Variants in SLC4A7 observed in about 807,000 individuals in gnomAD.
SLC4A7 encodes the protein sodium bicarbonate cotransporter 3.
A neutral mutation model predicts 137.6 loss-of-function variants in SLC4A7; 51 were observed. That is an observed-to-expected ratio of 0.37 (90% confidence interval 0.30 to 0.47). The LOEUF is 0.47. SLC4A7 is among the 20% of genes least tolerant of loss of function. The pLI is 1.00. For synonymous variants in SLC4A7, 542 were observed against 518.6 expected (o/e 1.05, Z -0.61); for missense variants, 1,247 against 1,525.4 (o/e 0.82, Z 3.04).
In SLC4A7 at chr3:27,394,688, C is replaced by G; in HGVS notation, c.2947G>C (p.Val983Leu). ...CTTATTGACAACACTGTTGCAGCCA[C>G]AAACCATGGAAGTCCCATGACAGAG... The part of the protein sequence containing the change: ...VCSVMGLPWF[V>L]AATVLSISHV... Residue 983 changes from valine (V) to leucine (L), a missense_variant, in exon 20 of 26, where the codon GTG (valine) becomes CTG (leucine). By Grantham distance (32) the Val-to-Leu change is conservative. Around this residue, in one of 6 missense-constraint regions of SLC4A7, gnomAD observed 48 missense variants for 97.2 expected, o/e 0.49. Transcript: ENST00000454389. 6.2e-7 allele frequency: 1 copy of G among 1,614,156 alleles called. No homozygotes were observed. The highest frequency in any genetic ancestry group is 8.5e-7 in the Non-Finnish European group (1 of 1,180,016).
intron 21 of SLC4A7, 148 bp from the exon 22 acceptor site, chr3:27,390,252 A>T: frequency 1.5e-5 from 3 of 197,232 alleles, no homozygotes; most frequent in South Asian, 7.0e-5. Flanking sequence ...TACAGCAAGC[A>T]TTCTCTGGAT....
At chr3:27,482,498 C>T (rs2059755302) in intron 1 of SLC4A7, among the ~76,000 whole-genome samples, 1 of 152,096 alleles carries the variant, frequency 6.6e-6, no homozygotes, top group Non-Finnish European at 1.5e-5. Flanking sequence ...AGGCCAGGCG[C>T]GGTGGCTCAC....
intron 1 of SLC4A7, among the ~76,000 whole-genome samples, chr3:27,479,552 G>A (rs954728140): frequency 1.3e-5 from 2 of 152,168 alleles, no homozygotes; most frequent in South Asian, 2.1e-4. Flanking sequence ...CTGCCTTAAG[G>A]AAGATTGTCA....
intron 18 of SLC4A7, among the ~76,000 whole-genome samples, chr3:27,397,369 C>T (rs1476971960): frequency 2.6e-5 from 4 of 151,666 alleles, no homozygotes; most frequent in Non-Finnish European, 5.9e-5. Context: ...CTGGAAGGTA[C>T]AGCAAGAACT....
intron 3 of SLC4A7, among the ~76,000 whole-genome samples, chr3:27,447,422 A>G (rs1001471575): frequency 6.6e-6 from 1 of 152,166 alleles, no homozygotes; most frequent in African/African-American, 2.4e-5. Context: ...TGCAGTAACT[A>G]TATTATACAT....
rs1374081841 is a variant in SLC4A7, at chr3:27,445,987, T to C, written c.289+2664A>G. 1.7e-5 allele frequency among the ~76,000 whole-genome samples: 2 copies of C among 118,628 alleles called. 1 individual carries two copies. Among genetic ancestry groups the C allele is most frequent in the Non-Finnish European group, 3.4e-5 (2 of 59,240 alleles). 77.8% of individuals were successfully genotyped at this position (118,628 alleles called of 152,430 possible). A position where few individuals can be genotyped will look rare whatever the true frequency, so the allele number is the denominator to read the frequency against. On this transcript the variant is annotated intron_variant, in intron 3 of 25. Coordinates refer to ENST00000454389, the MANE Select transcript of SLC4A7 (RefSeq NM_001321103.2). ...AAATATATATATATATATATATATA[T>C]ATATAGTGCCCTTGAAATTTGCTAA...
At chr3:27,421,800 A>C (rs1385483739) in intron 8 of SLC4A7, 21 bp from the exon 9 acceptor site, 3 of 1,585,502 alleles carry the variant, frequency 1.9e-6, no homozygotes, top group Non-Finnish European at 2.6e-6. Context: ...ATAAATAATT[A>C]AAAATAAAGT....
At chr3:27,406,135 C>A (rs13089870) in intron 13 of SLC4A7, among the ~76,000 whole-genome samples, 2 of 152,148 alleles carry the variant, frequency 1.3e-5, no homozygotes, top group South Asian at 4.1e-4. Context: ...GGAGGGCTTC[C>A]GAAACTAGAT....
At chr3:27,442,615 T>C (rs2057288823) in intron 3 of SLC4A7, among the ~76,000 whole-genome samples, 1 of 152,176 alleles carries the variant, frequency 6.6e-6, no homozygotes, top group African/African-American at 2.4e-5. Flanking sequence ...TTCACTATGT[T>C]GCCCAGGCTG....
intron 23 of SLC4A7, among the ~76,000 whole-genome samples, chr3:27,385,414 ATAAT>A (rs1476094485): frequency 1.3e-5 from 2 of 152,218 alleles, no homozygotes; most frequent in African/African-American, 4.8e-5. Flanking sequence ...TTTAAAAAAG[ATAAT>A]TACTTAAAAA....
rs1427464227 is a variant in SLC4A7 at position 27,373,488 on chromosome 3, ATTAAG to A, written c.*3271_*3275del. ...TGATCTACATAAATAAATTTAAAACATTAAGTTATTTCATATAAACATTTTTAATT... is the reference window on the plus strand; with the variant it reads ...TGATCTACATAAATAAATTTAAAACATTATTTCATATAAACATTTTTAATT... On this transcript the variant is annotated 3_prime_UTR_variant, in exon 26 of 26. Transcript: ENST00000454389. The A allele has an allele frequency of 2.0e-5, 3 of 152,200 alleles. No individual in the cohort carries two copies. Among genetic ancestry groups the A allele is most frequent in the Non-Finnish European group, 2.9e-5 (2 of 67,992 alleles). 9.4% of individuals were successfully genotyped at this position (152,200 alleles called of 1,614,324 possible). A position where few individuals can be genotyped will look rare whatever the true frequency, so the allele number is the denominator to read the frequency against.
At chr3:27,471,150 G>A (rs370245722) in intron 1 of SLC4A7, among the ~76,000 whole-genome samples, 5 of 152,202 alleles carry the variant, frequency 3.3e-5, no homozygotes, top group Admixed American at 6.5e-5. Context: ...TATTTGCAAC[G>A]TATTGTTTTA....
intron 5 of SLC4A7, among the ~76,000 whole-genome samples, chr3:27,435,094 C>CA (rs1176329740): frequency 6.6e-6 from 1 of 152,164 alleles, no homozygotes; most frequent in Non-Finnish European, 1.5e-5. Flanking sequence ...TTAAATCTAA[C>CA]AGTAGGCTAA....
At chr3:27,407,547 T>G (rs574462847) in intron 13 of SLC4A7, among the ~76,000 whole-genome samples, 5 of 151,832 alleles carry the variant, frequency 3.3e-5, no homozygotes, top group Non-Finnish European at 4.4e-5. Context: ...GAAGTTTCCA[T>G]TGTACCCATC....
chr3:27,478,849 A>G (rs6551203), intron 1 of SLC4A7, among the ~76,000 whole-genome samples: 5,639 of 150,088 alleles, frequency 0.038, 304 homozygotes, highest in African/African-American at 0.12. Flanking sequence ...AAAAAAAAAA[A>G]AGAGAGAGAG....
intron 1 of SLC4A7, among the ~76,000 whole-genome samples, chr3:27,478,477 C>A (rs1334204875): frequency 2.7e-5 from 4 of 145,470 alleles, no homozygotes; most frequent in Non-Finnish European, 6.0e-5. Context: ...AAGATCGTAC[C>A]ACTGCACTCC....
intron 1 of SLC4A7, chr3:27,456,611 C>T (rs575799136): frequency 9.8e-6 from 13 of 1,331,418 alleles, no homozygotes; most frequent in East Asian, 6.9e-5. Context: ...GATTCAAATT[C>T]GTTTGTAAAT....
chr3:27,375,231 T>C lies in SLC4A7; in HGVS notation c.*1533A>G, dbSNP rs1576015734. 2 of 152,062 alleles carry C rather than the reference T, an allele frequency of 1.3e-5. No individual in the cohort carries two copies. The highest frequency in any genetic ancestry group is 6.5e-5 in the Admixed American group (1 of 15,276). The allele number at this position is 152,062 out of a possible 1,614,324, so 9.4% of individuals were successfully genotyped here. Reference sequence around the variant, plus strand: ...AGATTAATTATGTATACCTTTGTAATTTAATTATATGGTTAAAGGGAGCAT... The same window carrying C: ...AGATTAATTATGTATACCTTTGTAACTTAATTATATGGTTAAAGGGAGCAT... On this transcript the variant is annotated 3_prime_UTR_variant, in exon 26 of 26. Coordinates refer to ENST00000454389, the MANE Select transcript of SLC4A7 (RefSeq NM_001321103.2).
chr3:27,411,621 A>T, intron 12 of SLC4A7, 21 bp downstream of exon 12: 1 of 1,287,192 alleles, frequency 7.8e-7, no homozygotes, highest in Non-Finnish European at 1.0e-6. Flanking sequence ...AACCCTTCAA[A>T]ATATCAGTAT....
Sources: allele counts gnomAD v4.1 joint callset (sites outside exome capture counted in the v4.1 genomes callset), GRCh38; gene constraint gnomAD v4.1.1; regional missense constraint gnomAD v4.1.1; transcripts MANE v1.5; gene names NCBI Gene and HGNC (gene_info 2026-07-23, HGNC 2026-07-21).